Variants in FHIT observed in about 807,000 individuals in gnomAD.
FHIT encodes the protein bis(5'-adenosyl)-triphosphatase.
In FHIT, 19 loss-of-function variants were observed where a neutral mutation model predicts 17.9. That is an observed-to-expected ratio of 1.06 (90% CI 0.74 to 1.56). The LOEUF (loss-of-function observed/expected upper bound fraction) is 1.56, where lower values mean the gene tolerates loss of function less well. FHIT is among the 40% of genes most tolerant of loss of function. The pLI is 0.00. For missense variants in FHIT, 248 were observed against 189.2 expected (o/e 1.31, Z -1.82); for synonymous variants, 81 against 69.7 (o/e 1.16, Z -0.81).
intron 2 of FHIT, among the ~76,000 whole-genome samples, chr3:61,065,670 C>T (rs2034580830): frequency 6.6e-6 from 1 of 151,794 alleles, no homozygotes; most frequent in Non-Finnish European, 1.5e-5. Flanking sequence ...ATAAATCAAA[C>T]TCTCCATGTA....
intron 2 of FHIT, among the ~76,000 whole-genome samples, chr3:61,072,760 CA>C (rs1329917064): frequency 6.6e-6 from 1 of 151,902 alleles, no homozygotes; most frequent in East Asian, 1.9e-4. Flanking sequence ...GTAAGTGATA[CA>C]AAAAGCAAAA....
At chr3:60,296,953 T>G (rs531516931) in intron 5 of FHIT, among the ~76,000 whole-genome samples, 1 of 151,898 alleles carries the variant, frequency 6.6e-6, no homozygotes, top group South Asian at 2.1e-4. Context: ...AGTGGGCATA[T>G]TTGTGTAGGT....
intron 5 of FHIT, among the ~76,000 whole-genome samples, chr3:60,498,668 C>T (rs1432677947): frequency 6.6e-6 from 1 of 152,154 alleles, no homozygotes; most frequent in Admixed American, 6.6e-5. Flanking sequence ...TACTCCACTG[C>T]ACTAGGCAAA....
chr3:60,559,878 T>A (rs899523210), intron 4 of FHIT, among the ~76,000 whole-genome samples: 2 of 152,214 alleles, frequency 1.3e-5, no homozygotes, highest in Admixed American at 6.5e-5. Flanking sequence ...GGAGTCTTCC[T>A]GTGTTGGTGG....
In FHIT at chr3:60,819,783, A is replaced by G. The variant is rs549506038; in HGVS notation, c.-18+2136T>C. On this transcript the variant is annotated intron_variant, in intron 4 of 9. Transcript: ENST00000492590. Reference sequence around the variant, plus strand: ...GTTGAGTTCACTAAGAGCACACAGCAAACAGTAGAACTCTGAGTCAGTCTT... The same window carrying G: ...GTTGAGTTCACTAAGAGCACACAGCGAACAGTAGAACTCTGAGTCAGTCTT... Among the ~76,000 whole-genome samples the G allele has an allele frequency of 3.9e-5, 6 of 152,322 alleles. No homozygotes were observed. The East Asian group carries it at 9.6e-4, about 24-fold the overall frequency.
In FHIT at chr3:60,039,609, T is replaced by C. The variant is rs927262131; in HGVS notation, c.104-25457A>G. On this transcript the variant is annotated intron_variant, in intron 5 of 9. Transcript: ENST00000492590. Reference sequence around the variant, plus strand: ...ATGTATAAAGATGCACTAAATATCTTATTTTCAATTTCTCTTATTTTTCTA... The same window carrying C: ...ATGTATAAAGATGCACTAAATATCTCATTTTCAATTTCTCTTATTTTTCTA... Among the ~76,000 whole-genome samples the C allele has an allele frequency of 3.9e-5, 6 of 152,348 alleles. No homozygotes were observed. The East Asian group carries it at 9.6e-4, about 24-fold the overall frequency.
chr3:60,133,876 C>A (rs1576174777), intron 5 of FHIT, among the ~76,000 whole-genome samples: 1 of 149,648 alleles, frequency 6.7e-6, no homozygotes, highest in Non-Finnish European at 1.5e-5. Flanking sequence ...ATTTTTGTGA[C>A]AGTTTCCCCT....
Position 60,205,934 on chromosome 3 carries a change from C to T in FHIT, c.104-191782G>A, listed in dbSNP as rs538334874. ...CCATCCTGGCTAACACGGTGAAACC[C>T]CGTCTCTACTAAAAATACAAAAATA... On this transcript the variant is annotated intron_variant, in intron 5 of 9. Coordinates refer to ENST00000492590, the MANE Select transcript of FHIT (RefSeq NM_002012.4). 2.0e-5 allele frequency among the ~76,000 whole-genome samples: 3 copies of T among 151,104 alleles called. No homozygotes were observed. In the South Asian group the frequency reaches 6.3e-4, roughly 32 times the overall value.
chr3:60,019,897 T>C (rs1237884917), intron 5 of FHIT, among the ~76,000 whole-genome samples: 1 of 152,180 alleles, frequency 6.6e-6, no homozygotes, highest in Non-Finnish European at 1.5e-5. Context: ...GGCAAAACAT[T>C]GCACATCTGC....
intron 7 of FHIT, among the ~76,000 whole-genome samples, chr3:59,969,363 A>G (rs1399299979): frequency 1.3e-5 from 2 of 152,096 alleles, no homozygotes; most frequent in African/African-American, 4.8e-5. Flanking sequence ...CTTTTCTCAA[A>G]GAAAGCTTCT....
chr3:60,173,324 T>A (rs1701502450), intron 5 of FHIT, among the ~76,000 whole-genome samples: 1 of 152,174 alleles, frequency 6.6e-6, no homozygotes, highest in Admixed American at 6.5e-5. Flanking sequence ...CACCAGTGAA[T>A]CTCAAGTATC....
chr3:60,443,827 C>A (rs1047540978), intron 5 of FHIT, among the ~76,000 whole-genome samples: 1 of 152,022 alleles, frequency 6.6e-6, no homozygotes, highest in African/African-American at 2.4e-5. Context: ...GCAACAAAAG[C>A]CAAAATTGAC....
chr3:60,540,495 G>A (rs1415463504), intron 4 of FHIT, among the ~76,000 whole-genome samples: 2 of 152,130 alleles, frequency 1.3e-5, no homozygotes, highest in Non-Finnish European at 2.9e-5. Flanking sequence ...GCTATCTCCA[G>A]GTACGTAACA....
intron 4 of FHIT, among the ~76,000 whole-genome samples, chr3:60,667,021 ATTTTTTTTTTTTT>A (rs56071877): frequency 9.7e-4 from 33 of 34,130 alleles, no homozygotes; most frequent in African/African-American, 2.7e-3. Context: ...TGCCTGGTTA[ATTTTTTTTTTTTT>A]TTTTTTTTTT....
chr3:60,010,683 A>G (rs1700104267), intron 7 of FHIT, among the ~76,000 whole-genome samples: 1 of 152,176 alleles, frequency 6.6e-6, no homozygotes, highest in Admixed American at 6.5e-5. Context: ...GTATGAAAAG[A>G]GCTGAAACCC....
chr3:61,124,041 A>G (rs1340764765), intron 2 of FHIT, among the ~76,000 whole-genome samples: 8 of 152,168 alleles, frequency 5.3e-5, no homozygotes, highest in African/African-American at 1.9e-4. Flanking sequence ...AAAGTTATGA[A>G]GGCAGGGGAT....
intron 2 of FHIT, among the ~76,000 whole-genome samples, chr3:61,049,282 T>A (rs2033936835): frequency 1.3e-5 from 2 of 151,550 alleles, no homozygotes; most frequent in East Asian, 2.0e-4. Context: ...TAATTAAAAA[T>A]TAAAATATGA....
At chr3:60,308,469 C>CGTATAG (rs199550358) in intron 5 of FHIT, among the ~76,000 whole-genome samples, 1 of 137,514 alleles carries the variant, frequency 7.3e-6, no homozygotes, top group South Asian at 2.5e-4. Flanking sequence ...CCAAATTGCA[C>CGTATAG]GTATAGGTAT....
chr3:61,040,481 A>G (rs531865943), intron 3 of FHIT, among the ~76,000 whole-genome samples: 1 of 152,366 alleles, frequency 6.6e-6, no homozygotes, highest in East Asian at 1.9e-4. Flanking sequence ...GAATTTTTAT[A>G]AGCTAGACTA....
Sources: allele counts gnomAD v4.1 joint callset (sites outside exome capture counted in the v4.1 genomes callset), GRCh38; gene constraint gnomAD v4.1.1; transcripts MANE v1.5; gene names NCBI Gene and HGNC (gene_info 2026-07-23, HGNC 2026-07-21).